Variants in ARHGEF4 observed in about 807,000 individuals in gnomAD.
The protein encoded by ARHGEF4 is Rho guanine nucleotide exchange factor 4.
Under a neutral mutation model 162.0 loss-of-function variants are expected in ARHGEF4, and 119 were observed. The observed-to-expected ratio is 0.73, with a 90% CI of 0.63 to 0.86. The LOEUF is 0.86. Among genes scored for constraint, ARHGEF4 ranks in the 40% least tolerant of loss-of-function variants. The pLI is 0.00. For missense variants in ARHGEF4, 2,488 were observed against 2,456.0 expected (o/e 1.01, Z -0.28); for synonymous variants, 1,014 against 979.9 (o/e 1.03, Z -0.65).
chr2:130,882,640 T>C (rs1679269655), intron 1 of ARHGEF4, among the ~76,000 whole-genome samples: 1 of 151,964 alleles, frequency 6.6e-6, no homozygotes, highest in African/African-American at 2.4e-5. Flanking sequence ...AAGCCTGAAG[T>C]CCAAACCCTG....
intron 1 of ARHGEF4, among the ~76,000 whole-genome samples, chr2:130,845,101 C>T (rs1330079514): frequency 4.0e-5 from 6 of 151,338 alleles, no homozygotes; most frequent in South Asian, 2.1e-4. Flanking sequence ...GGATTACAGG[C>T]GTGAGCCACC....
At chr2:130,989,195 A>G (rs1456207771) in intron 4 of ARHGEF4, among the ~76,000 whole-genome samples, 1 of 152,130 alleles carries the variant, frequency 6.6e-6, no homozygotes. Flanking sequence ...TCCTAACCTC[A>G]GGTGATCTGC....
At chr2:130,869,827 GTT>G (rs914343836) in intron 1 of ARHGEF4, among the ~76,000 whole-genome samples, 2 of 152,220 alleles carry the variant, frequency 1.3e-5, no homozygotes, top group Admixed American at 1.3e-4. Flanking sequence ...GTGGAGAATG[GTT>G]TTGTGTTTTC....
intron 5 of ARHGEF4, among the ~76,000 whole-genome samples, chr2:131,030,503 C>A (rs951747612): frequency 1.3e-5 from 2 of 152,130 alleles, no homozygotes; most frequent in Admixed American, 1.3e-4. Context: ...GGCGCGTGTC[C>A]CCAGGGAGAA....
At chr2:130,910,610 C>G (rs373384667) in intron 1 of ARHGEF4, among the ~76,000 whole-genome samples, 4 of 152,098 alleles carry the variant, frequency 2.6e-5, no homozygotes, top group East Asian at 1.9e-4. Flanking sequence ...GTAAGACTTC[C>G]GAGGATTTAA....
At chr2:131,012,733 A>G (rs567681225) in intron 4 of ARHGEF4, among the ~76,000 whole-genome samples, 4 of 152,326 alleles carry the variant, frequency 2.6e-5, no homozygotes, top group African/African-American at 9.6e-5. Flanking sequence ...GGCACATGCC[A>G]GCAACCCCAG....
intron 1 of ARHGEF4, among the ~76,000 whole-genome samples, chr2:130,882,767 A>T (rs67423456): frequency 0.017 from 2,601 of 151,950 alleles, 109 homozygotes; most frequent in African/African-American, 0.06. Context: ...AAAGAAGCAG[A>T]AAATGAAATG....
intron 4 of ARHGEF4, among the ~76,000 whole-genome samples, chr2:130,951,844 A>G (rs1287990529): frequency 6.6e-6 from 1 of 152,062 alleles, no homozygotes; most frequent in African/African-American, 2.4e-5. Flanking sequence ...TTTGTGTGGT[A>G]TGATTGTTAT....
intron 4 of ARHGEF4, chr2:130,964,126 C>G: frequency 2.1e-6 from 2 of 968,536 alleles, no homozygotes; most frequent in Non-Finnish European, 2.5e-6. Flanking sequence ...CAGCGCCGGG[C>G]TGTCCCCGGG....
intron 11 of ARHGEF4, 65 bp from the exon 12 acceptor site, chr2:131,044,234 G>A: frequency 9.5e-6 from 15 of 1,586,302 alleles, no homozygotes; most frequent in Non-Finnish European, 1.3e-5. Context: ...GAGAGGAGGT[G>A]GGAGCAGCCA....
At chr2:130,994,460 T>A (rs1360756341) in intron 4 of ARHGEF4, among the ~76,000 whole-genome samples, 2 of 152,350 alleles carry the variant, frequency 1.3e-5, no homozygotes, top group Non-Finnish European at 2.9e-5. Context: ...AAATCAGGAC[T>A]TTTAACATCT....
At chr2:130,988,546 A>G (rs1295423438) in intron 4 of ARHGEF4, among the ~76,000 whole-genome samples, 1 of 152,176 alleles carries the variant, frequency 6.6e-6, no homozygotes, top group Non-Finnish European at 1.5e-5. Flanking sequence ...ATTGCTATGA[A>G]CATTTTGGTG....
chr2:130,919,236 A>G (rs1681721091), intron 2 of ARHGEF4, among the ~76,000 whole-genome samples: 1 of 152,190 alleles, frequency 6.6e-6, no homozygotes, highest in Non-Finnish European at 1.5e-5. Context: ...GTCTTTATAA[A>G]TAACGCTTCA....
chr2:131,034,065 C>T (rs1690050626), intron 5 of ARHGEF4, among the ~76,000 whole-genome samples: 1 of 152,194 alleles, frequency 6.6e-6, no homozygotes, highest in Admixed American at 6.5e-5. Context: ...ACTCACCTAT[C>T]TTTGCAAGGG....
intron 8 of ARHGEF4, among the ~76,000 whole-genome samples, chr2:131,040,805 G>A (rs184905190): frequency 9.2e-5 from 14 of 152,328 alleles, no homozygotes; most frequent in Non-Finnish European, 1.6e-4. Flanking sequence ...GCAGATGCCG[G>A]CTGGCATTTA....
chr2:130,929,351 T>G (rs1018989771), intron 2 of ARHGEF4, among the ~76,000 whole-genome samples: 1 of 152,170 alleles, frequency 6.6e-6, no homozygotes, highest in Non-Finnish European at 1.5e-5. Context: ...TATCCAGCCA[T>G]CCAGTTTCTC....
At chr2:130,954,549 TA>T (rs1574292605) in intron 4 of ARHGEF4, among the ~76,000 whole-genome samples, 1 of 152,152 alleles carries the variant, frequency 6.6e-6, no homozygotes. Context: ...AAAGTATAAT[TA>T]AAAAAATAAT....
At chr2:130,922,733 T>C (rs2105077016) in intron 2 of ARHGEF4, among the ~76,000 whole-genome samples, 1 of 149,192 alleles carries the variant, frequency 6.7e-6, no homozygotes. Context: ...GGTTTGGGCC[T>C]GATAATTTAA....
intron 4 of ARHGEF4, among the ~76,000 whole-genome samples, chr2:130,984,831 T>G (rs2105262583): frequency 6.6e-6 from 1 of 152,244 alleles, no homozygotes; most frequent in East Asian, 1.9e-4. Context: ...GTTGGGGTGC[T>G]TCCTTTCTCC....
Sources: gnomAD v4.1 joint callset for allele counts (sites outside exome capture counted in the v4.1 genomes callset) on GRCh38, gnomAD v4.1.1 for gene constraint, MANE v1.5 for transcripts, NCBI Gene and HGNC (gene_info 2026-07-23, HGNC 2026-07-21) for gene names.